GLCE: variants seen among roughly 807,000 people sequenced by gnomAD.
GLCE encodes D-glucuronyl C5-epimerase.
Under a neutral mutation model 47.9 loss-of-function variants are expected in GLCE, and 19 were observed. The ratio of observed to expected loss-of-function variants is 0.40; its 90% confidence interval spans 0.28 to 0.58. GLCE has a LOEUF of 0.58. Ranked by LOEUF, GLCE falls within the 20% of genes least tolerant of loss-of-function variation. The pLI, the probability that GLCE is intolerant of heterozygous loss-of-function variation, is 0.48. For synonymous variants in GLCE, 245 were observed against 263.4 expected, an observed-to-expected ratio of 0.93 and a Z score of 0.68; for missense variants, 556 against 743.3, an observed-to-expected ratio of 0.75 and a Z score of 2.93.
At chr15:69,251,665 T>C (rs989500186) in intron 2 of GLCE, among the ~76,000 whole-genome samples, 2 of 152,216 alleles carry the variant, frequency 1.3e-5, no homozygotes, top group Non-Finnish European at 2.9e-5. Flanking sequence ...GTTGCCAATT[T>C]TTGTCAGCTT....
intron 4 of GLCE, among the ~76,000 whole-genome samples, chr15:69,265,424 C>T (rs1253996489): frequency 6.6e-6 from 1 of 152,080 alleles, no homozygotes; most frequent in Admixed American, 6.5e-5. Flanking sequence ...ATTTAACGTC[C>T]TCTGTATATC....
chr15:69,216,187 G>A (rs1438509775), intron 2 of GLCE, among the ~76,000 whole-genome samples: 3 of 152,088 alleles, frequency 2.0e-5, no homozygotes, highest in South Asian at 2.1e-4. Context: ...AAAACAAGAC[G>A]AAGTGTAATA....
intron 2 of GLCE, among the ~76,000 whole-genome samples, chr15:69,245,130 C>G (rs1423050266): frequency 5.3e-5 from 8 of 152,016 alleles, no homozygotes. Context: ...GTCAGGAGTT[C>G]AAGATCAGCC....
chr15:69,251,277 C>G (rs73437119), intron 2 of GLCE, among the ~76,000 whole-genome samples: 4 of 152,116 alleles, frequency 2.6e-5, no homozygotes, highest in Admixed American at 2.0e-4. Context: ...TTTATTATGA[C>G]TTATCAGGAG....
intron 1 of GLCE, among the ~76,000 whole-genome samples, chr15:69,204,493 C>T (rs536838713): frequency 6.6e-6 from 1 of 152,080 alleles, no homozygotes; most frequent in South Asian, 2.1e-4. Flanking sequence ...CCATGTTGGC[C>T]AGGCTGATCT....
At chr15:69,169,710 A>C (rs1369978076) in intron 1 of GLCE, among the ~76,000 whole-genome samples, 1 of 152,170 alleles carries the variant, frequency 6.6e-6, no homozygotes, top group South Asian at 2.1e-4. Context: ...ATGTCCCTAC[A>C]AAGGACATGA....
At chr15:69,167,044 C>T (rs865826505) in intron 1 of GLCE, among the ~76,000 whole-genome samples, 12 of 151,680 alleles carry the variant, frequency 7.9e-5, no homozygotes, top group South Asian at 4.2e-4. Context: ...GGTGAAACCC[C>T]GTCTCTACTA....
chr15:69,246,732 A>G (rs1431764958), intron 2 of GLCE, among the ~76,000 whole-genome samples: 5 of 151,950 alleles, frequency 3.3e-5, no homozygotes, highest in African/African-American at 1.2e-4. Flanking sequence ...AAAAAAAAAA[A>G]AAGACATGAA....
intron 1 of GLCE, among the ~76,000 whole-genome samples, chr15:69,193,344 G>T (rs554632818): frequency 6.6e-5 from 10 of 152,176 alleles, no homozygotes; most frequent in Non-Finnish European, 1.2e-4. Flanking sequence ...TAGGGAGAAG[G>T]ATATTTCCAG....
rs188210451 is a variant in GLCE, at chr15:69,182,850, C to T, written c.-105+22093C>T. On this transcript the variant is annotated intron_variant, in intron 1 of 4. Transcript: ENST00000261858. ...CCAACATGGTGAAACCCCGTCTCTACAAAAAAATACAAAAATTAGTCGGGT... is the reference window on the plus strand; with the variant it reads ...CCAACATGGTGAAACCCCGTCTCTATAAAAAAATACAAAAATTAGTCGGGT... 1.8e-4 allele frequency among the ~76,000 whole-genome samples: 28 copies of T among 151,858 alleles called. 1 individual carries two copies. In the East Asian group the frequency reaches 5.4e-3, roughly 29 times the overall value.
chr15:69,242,567 G>A (rs985738697), intron 2 of GLCE, among the ~76,000 whole-genome samples: 3 of 152,072 alleles, frequency 2.0e-5, no homozygotes, highest in Non-Finnish European at 4.4e-5. Flanking sequence ...ATTAACTGCT[G>A]TAGGAATTGA....
intron 2 of GLCE, among the ~76,000 whole-genome samples, chr15:69,219,961 G>A (rs2052357071): frequency 6.6e-6 from 1 of 151,992 alleles, no homozygotes; most frequent in African/African-American, 2.4e-5. Flanking sequence ...CATACAAATG[G>A]AATTATAGTA....
At chr15:69,167,654 A>G (rs1042973896) in intron 1 of GLCE, among the ~76,000 whole-genome samples, 2 of 152,136 alleles carry the variant, frequency 1.3e-5, no homozygotes, top group African/African-American at 4.8e-5. Flanking sequence ...ATCTAATTGC[A>G]AGGTAGTGTA....
chr15:69,237,692 A>G (rs1053744945), intron 2 of GLCE, among the ~76,000 whole-genome samples: 2 of 152,192 alleles, frequency 1.3e-5, no homozygotes, highest in African/African-American at 2.4e-5. Flanking sequence ...TTTTAAAATT[A>G]CTATAAGCAG....
chr15:69,208,970 A>G (rs1055973526), intron 1 of GLCE, among the ~76,000 whole-genome samples: 14 of 152,008 alleles, frequency 9.2e-5, no homozygotes, highest in Admixed American at 2.6e-4. Context: ...TTTCTCCCCA[A>G]TCTTTCTGTA....
chr15:69,182,679 A>G (rs1393890272), intron 1 of GLCE, among the ~76,000 whole-genome samples: 1 of 152,114 alleles, frequency 6.6e-6, no homozygotes, highest in Admixed American at 6.5e-5. Flanking sequence ...GAGTTAGGAT[A>G]TTAGAGGTAG....
chr15:69,189,786 G>C (rs577628911), intron 1 of GLCE, among the ~76,000 whole-genome samples: 1 of 152,012 alleles, frequency 6.6e-6, no homozygotes, highest in South Asian at 2.1e-4. Context: ...CACACTTACT[G>C]CTTAGGATTA....
chr15:69,254,042 C>T (rs933376456), intron 2 of GLCE, among the ~76,000 whole-genome samples: 2 of 152,108 alleles, frequency 1.3e-5, no homozygotes, highest in Non-Finnish European at 2.9e-5. Context: ...TCACCATCAA[C>T]TTCTTGAGAA....
At chr15:69,215,504 TC>T (rs1268494938) in intron 2 of GLCE, among the ~76,000 whole-genome samples, 1 of 151,802 alleles carries the variant, frequency 6.6e-6, no homozygotes, top group African/African-American at 2.4e-5. Flanking sequence ...GCAGTTTCAG[TC>T]AATCGTGAAT....
Sources: allele counts gnomAD v4.1 joint callset (sites outside exome capture counted in the v4.1 genomes callset), GRCh38; gene constraint gnomAD v4.1.1; transcripts MANE v1.5; gene names NCBI Gene and HGNC (gene_info 2026-07-23, HGNC 2026-07-21).